PEAR1: variants seen among roughly 807,000 people sequenced by gnomAD.
PEAR1 encodes the protein multiple EGF-like domains protein 12.
Under a neutral mutation model 131.2 loss-of-function variants are expected in PEAR1, and 113 were observed. That is an observed-to-expected ratio of 0.86 (90% CI 0.74 to 1.01). The LOEUF (loss-of-function observed/expected upper bound fraction) is 1.01. Ranked by LOEUF, PEAR1 falls within the 50% of genes least tolerant of loss-of-function variation. The pLI, the probability that PEAR1 is intolerant of heterozygous loss-of-function variation, is 0.00. For missense variants in PEAR1, 1,408 were observed against 1,391.1 expected (o/e 1.01, Z -0.19); for synonymous variants, 565 against 523.3 (o/e 1.08, Z -1.09).
At position 156,909,909 on chromosome 1, in the gene PEAR1, T is replaced by G; in HGVS notation, c.1570T>G (p.Cys524Gly). The G allele has an allele frequency of 6.2e-7, 1 of 1,608,994 alleles. No individual in the cohort carries two copies. The highest frequency in any genetic ancestry group is 1.1e-5 in the South Asian group (1 of 90,668). The change falls in exon 12 of 23, where the codon TGT becomes GGT. Residue 524 changes from cysteine (C) to glycine (G), a missense_variant. Transcript: ENST00000292357. ...GWHGAHCQLPCPKGQFGEGCA... is the reference protein window; with the variant it reads ...GWHGAHCQLPGPKGQFGEGCA... ...GCATGGGGCCCACTGCCAGCTGCCC[T>G]GTCCGGTGAGTGCTGGACAGCCTGT...
chr1:156,905,052 C>A, intron 3 of PEAR1, 200 bp downstream of exon 3: 3 of 1,459,478 alleles, frequency 2.1e-6, no homozygotes, highest in Non-Finnish European at 2.8e-6. Flanking sequence ...TTAGGGTACG[C>A]ATGCATGTTA....
chr1:156,911,275 C>A (rs868166791), intron 15 of PEAR1, among the ~76,000 whole-genome samples: 1 of 116,866 alleles, frequency 8.6e-6, no homozygotes, highest in Non-Finnish European at 1.7e-5. Context: ...CCCTCCCTCT[C>A]TCTTTCTTTC....
At chr1:156,903,671 TGG>T (rs996974689) in intron 1 of PEAR1, among the ~76,000 whole-genome samples, 1 of 151,964 alleles carries the variant, frequency 6.6e-6, no homozygotes, top group African/African-American at 2.4e-5. Context: ...CCTTGAAAGA[TGG>T]GAACTCCAGG....
chr1:156,908,940 C>CT lies in PEAR1; in HGVS notation c.1315_1316insT (p.Pro439LeufsTer3). 6.2e-7 allele frequency: 1 copy of CT among 1,613,864 alleles called. No homozygotes were observed. Among genetic ancestry groups the CT allele is most frequent in the Non-Finnish European group, 8.5e-7 (1 of 1,179,968 alleles). ...GGGCCCTCACTGTGCTAGTCTTTGT[C>CT]CTCCTGACACCTACGGTGTCAACTG... On this transcript the variant is annotated frameshift_variant, in exon 11 of 23. Transcript: ENST00000292357. LOFTEE classifies it high-confidence loss of function. The surrounding 1 kb of genome is among the most constrained non-coding windows in gnomAD (Gnocchi z 4.2).
At chr1:156,909,603 C>T (rs72698693) in intron 11 of PEAR1, 148 bp from the exon 12 acceptor site, 131,407 of 884,480 alleles carry the variant, frequency 0.15, 11,519 homozygotes, top group East Asian at 0.36. Flanking sequence ...CATCAAATAA[C>T]TCATAAGCTT....
At chr1:156,906,925 A>G in intron 6 of PEAR1, 45 bp downstream of exon 6, 2 of 1,582,920 alleles carry the variant, frequency 1.3e-6, no homozygotes, top group Non-Finnish European at 1.7e-6. Flanking sequence ...CGCAGACACA[A>G]GGCCACACAG....
At chr1:156,894,710 C>T (rs1343111618) in intron 1 of PEAR1, among the ~76,000 whole-genome samples, 2 of 152,252 alleles carry the variant, frequency 1.3e-5, no homozygotes, top group Non-Finnish European at 2.9e-5. Context: ...TAGCTGCTCT[C>T]CACTCCCCTG....
chr1:156,896,948 C>G (rs143247097), intron 1 of PEAR1, among the ~76,000 whole-genome samples: 4 of 152,214 alleles, frequency 2.6e-5, no homozygotes, highest in African/African-American at 7.2e-5. Context: ...TCATCAAACA[C>G]GCACCTCATT....
At chr1:156,897,653 T>G (rs1570934381) in intron 1 of PEAR1, among the ~76,000 whole-genome samples, 1 of 152,160 alleles carries the variant, frequency 6.6e-6, no homozygotes, top group East Asian at 1.9e-4. Context: ...GTGGTGACTG[T>G]GTGTTCCTGA....
intron 14 of PEAR1, 73 bp downstream of exon 14, chr1:156,910,453 T>TC: frequency 6.5e-7 from 1 of 1,538,924 alleles, no homozygotes; most frequent in Non-Finnish European, 8.8e-7. Flanking sequence ...AGAGCACCCC[T>TC]CCCCCCGCGC....
rs142391862 is a variant in PEAR1 at position 156,911,061 on chromosome 1, C to A, written c.1951+318C>A. Among the ~76,000 whole-genome samples, 222 of 111,034 alleles carry A rather than the reference C, an allele frequency of 2.0e-3. 1 individual carries two copies. Among genetic ancestry groups the A allele is most frequent in the Admixed American group, 2.9e-3 (33 of 11,506 alleles). The allele number at this position is 111,034 out of a possible 152,430, so 72.8% of individuals were successfully genotyped here. A position where few individuals can be genotyped will look rare whatever the true frequency, so the allele number is the denominator to read the frequency against. On this transcript the variant is annotated intron_variant, in intron 15 of 22. Coordinates refer to ENST00000292357, the MANE Select transcript of PEAR1 (RefSeq NM_001080471.3). ...TTTTTCTTTCTTTCTTTCTTTCTTT[C>A]TTTCTTTCTTTCTTTCTTTCTTTCT...
intron 1 of PEAR1, among the ~76,000 whole-genome samples, chr1:156,897,817 G>A (rs1304316343): frequency 6.6e-6 from 1 of 152,218 alleles, no homozygotes. Context: ...AGGCATGTGG[G>A]GTCAGCGGCT....
Position 156,893,745 on chromosome 1 carries a change from AC to A in PEAR1, c.-99del, listed in dbSNP as rs1291075145. Reference sequence around the variant, plus strand: ...AGTCAGGCTGGGGCTCGAAGTGGGGACCCTCGCCCCGTCCTCGGCTGTCCAG... The same window carrying A: ...AGTCAGGCTGGGGCTCGAAGTGGGGACCTCGCCCCGTCCTCGGCTGTCCAG... On this transcript the variant is annotated 5_prime_UTR_variant, in exon 1 of 23. Transcript: ENST00000292357. The A allele has an allele frequency of 1.4e-5, 2 of 146,374 alleles. No individual in the cohort carries two copies. Among genetic ancestry groups the A allele is most frequent in the African/African-American group, 5.1e-5 (2 of 39,210 alleles). The allele number at this position is 146,374 out of a possible 1,614,324, so 9.1% of individuals were successfully genotyped here.
rs1169334259 is a variant in PEAR1 at position 156,902,833 on chromosome 1, G to A, written c.-9-1085G>A. 6.6e-6 allele frequency among the ~76,000 whole-genome samples: 1 copy of A among 152,164 alleles called. No homozygotes were observed. The highest frequency in any genetic ancestry group is 1.5e-5 in the Non-Finnish European group (1 of 68,010). The stretch of plus-strand genomic sequence containing the variant: ...TCATCCTCTCCTGAGCTCAGGAGCT[G>A]AGGCAGCAGAGCCGTCTGAAGTGCT... On this transcript the variant is annotated intron_variant, in intron 1 of 22. Transcript: ENST00000292357. The surrounding 1 kb of genome is among the most constrained non-coding windows in gnomAD (Gnocchi z 4.3).
At chr1:156,905,511 G>A (rs1053367723) in intron 4 of PEAR1, 87 bp downstream of exon 4, 22 of 1,201,526 alleles carry the variant, frequency 1.8e-5, no homozygotes, top group East Asian at 7.7e-5. Context: ...CCCGGCCCCC[G>A]CTAGAATGGG....
chr1:156,903,729 C>A (rs141403809), intron 1 of PEAR1, among the ~76,000 whole-genome samples, 189 bp from the exon 2 acceptor site: 27 of 152,270 alleles, frequency 1.8e-4, no homozygotes, highest in South Asian at 1.2e-3. Flanking sequence ...TGAGCAAAGA[C>A]CGGAGGCGTG....
chr1:156,901,691 C>T (rs2102974553), intron 1 of PEAR1, among the ~76,000 whole-genome samples: 1 of 152,242 alleles, frequency 6.6e-6, no homozygotes, highest in South Asian at 2.1e-4. Context: ...AGCTGAGGGT[C>T]AGGGAAGAGG....
rs1571004291 is a variant in PEAR1 at position 156,915,943 on chromosome 1, G to A, written c.*1145G>A. 1.3e-5 allele frequency: 2 copies of A among 152,244 alleles called. No individual in the cohort carries two copies. The highest frequency in any genetic ancestry group is 3.9e-4 in the East Asian group (2 of 5,192). 9.4% of individuals were successfully genotyped at this position (152,244 alleles called of 1,614,324 possible). A position where few individuals can be genotyped will look rare whatever the true frequency, so the allele number is the denominator to read the frequency against. The stretch of plus-strand genomic sequence containing the variant: ...ACAGTTACAGACTGAATAAGTTGGA[G>A]ACTTCCCTAAAGGGTGGCATTTCCC... On this transcript the variant is annotated 3_prime_UTR_variant, in exon 23 of 23. Coordinates refer to ENST00000292357, the MANE Select transcript of PEAR1 (RefSeq NM_001080471.3).
intron 20 of PEAR1, 21 bp downstream of exon 20, chr1:156,913,544 G>A: frequency 2.5e-6 from 4 of 1,610,774 alleles, no homozygotes; most frequent in Non-Finnish European, 3.4e-6. Context: ...GGAGGCCAGG[G>A]TCTCTGGCGC....
Sources: allele counts gnomAD v4.1 joint callset (sites outside exome capture counted in the v4.1 genomes callset), GRCh38; gene constraint gnomAD v4.1.1; non-coding constraint Gnocchi (gnomAD v3.1); transcripts MANE v1.5; gene names NCBI Gene and HGNC (gene_info 2026-07-23, HGNC 2026-07-21).